Variants in ZC3H12B observed in about 807,000 individuals in gnomAD.
ZC3H12B encodes zinc finger CCCH-type containing 12B.
ZC3H12B carries 7 observed loss-of-function variants against 43.9 expected under a neutral mutation model. The observed-to-expected ratio is 0.16, with a 90% CI of 0.09 to 0.30. The LOEUF is 0.30. Ranked by LOEUF, ZC3H12B falls within the 10% of genes least tolerant of loss-of-function variation. The probability of loss-of-function intolerance (pLI) is 1.00; values close to 1 mark genes in which losing one functional copy is unlikely to be tolerated. For missense variants in ZC3H12B, 475 were observed against 670.2 expected, an observed-to-expected ratio of 0.71 and a Z score of 3.22; for synonymous variants, 222 against 241.7, an observed-to-expected ratio of 0.92 and a Z score of 0.76.
At chrX:65,332,865 A>G in the ZC3H12B span, among the ~76,000 whole-genome samples, 1 of 112,248 alleles carries the variant, frequency 8.9e-6, no homozygotes, top group Non-Finnish European at 1.9e-5. Flanking sequence ...CATTTGTACT[A>G]AAGATAAATC....
At chrX:65,127,687 A>G in the ZC3H12B span, among the ~76,000 whole-genome samples, 1 of 110,904 alleles carries the variant, frequency 9.0e-6, no homozygotes, top group East Asian at 2.9e-4. Context: ...CTTCTTGGGC[A>G]TGGCTTTCTG....
At chrX:65,318,695 C>T in the ZC3H12B span, among the ~76,000 whole-genome samples, 1 of 111,429 alleles carries the variant, frequency 9.0e-6, no homozygotes, top group Admixed American at 9.5e-5. Context: ...GCTGGGATTA[C>T]AGGCGTGAAC....
the ZC3H12B span, among the ~76,000 whole-genome samples, chrX:65,211,277 G>A: frequency 4.6e-5 from 5 of 108,605 alleles, no homozygotes; most frequent in Non-Finnish European, 9.5e-5. Context: ...TCAGATGATA[G>A]TTTCTTTTGC....
At chrX:65,065,438 ATTC>A in the ZC3H12B span, among the ~76,000 whole-genome samples, 1 of 111,847 alleles carries the variant, frequency 8.9e-6, no homozygotes, top group Non-Finnish European at 1.9e-5. Context: ...TGGGTTGAAA[ATTC>A]TTTTCTTCTA....
chrX:65,160,599 G>T, the ZC3H12B span, among the ~76,000 whole-genome samples: 1 of 111,523 alleles, frequency 9.0e-6, no homozygotes, highest in East Asian at 2.8e-4. Context: ...TGTGGGATTG[G>T]TGGTGATATC....
At chrX:65,044,273 T>C in the ZC3H12B span, among the ~76,000 whole-genome samples, 18 of 111,282 alleles carry the variant, frequency 1.6e-4, no homozygotes, top group Admixed American at 6.7e-4. Context: ...GCAGAAAGAA[T>C]AGAATATGCA....
chrX:65,310,798 T>G, the ZC3H12B span, among the ~76,000 whole-genome samples: 4 of 110,990 alleles, frequency 3.6e-5, no homozygotes, highest in South Asian at 3.8e-4. Flanking sequence ...CCAAAACCAA[T>G]ATATAGACCA....
chrX:65,439,541 A>G (rs184270644), intron 3 of ZC3H12B, among the ~76,000 whole-genome samples: 51 of 111,803 alleles, frequency 4.6e-4, no homozygotes, highest in Admixed American at 9.5e-4. Context: ...CCTGTTTCCA[A>G]ATAGGTTTTT....
the ZC3H12B span, among the ~76,000 whole-genome samples, chrX:65,243,902 T>C: frequency 1.8e-5 from 2 of 111,948 alleles, no homozygotes; most frequent in Admixed American, 1.9e-4. Flanking sequence ...TTGTTGCTCA[T>C]ATGTTGGAGC....
At chrX:65,211,956 T>G in the ZC3H12B span, among the ~76,000 whole-genome samples, 7 of 71,608 alleles carry the variant, frequency 9.8e-5, no homozygotes, top group Admixed American at 7.5e-4. Context: ...CTATATAATA[T>G]ATAATATATG....
chrX:65,444,346 G>T (rs1484910698), intron 3 of ZC3H12B, among the ~76,000 whole-genome samples: 1 of 111,984 alleles, frequency 8.9e-6, no homozygotes, highest in African/African-American at 3.3e-5. Context: ...AAATGAACCT[G>T]GTGGGAGGTT....
At chrX:65,349,562 C>A in the ZC3H12B span, among the ~76,000 whole-genome samples, 1 of 111,351 alleles carries the variant, frequency 9.0e-6, no homozygotes, top group African/African-American at 3.3e-5. Flanking sequence ...TTCAAAAAAT[C>A]AATGAATCCA....
the ZC3H12B span, among the ~76,000 whole-genome samples, chrX:65,108,188 A>G: frequency 1.8e-5 from 2 of 111,559 alleles, no homozygotes; most frequent in African/African-American, 6.5e-5. Flanking sequence ...TGTAGACTTT[A>G]TAAACACTGT....
At chrX:65,212,271 TATATAATATA>T in the ZC3H12B span, among the ~76,000 whole-genome samples, 1 of 51,193 alleles carries the variant, frequency 2.0e-5, no homozygotes, top group African/African-American at 8.1e-5. Flanking sequence ...TATTATATAA[TATATAATATA>T]ATTATAATAT....
chrX:65,349,243 G>C, the ZC3H12B span, among the ~76,000 whole-genome samples: 5 of 111,971 alleles, frequency 4.5e-5, no homozygotes, highest in Admixed American at 2.9e-4. Context: ...CATGGAAACT[G>C]AACAACCTGC....
intron 2 of ZC3H12B, among the ~76,000 whole-genome samples, chrX:65,373,635 G>A (rs1302638000): frequency 5.8e-5 from 6 of 102,763 alleles, no homozygotes; most frequent in Non-Finnish European, 9.8e-5. Flanking sequence ...GCAAACTATC[G>A]CAAGGACAGA....
chrX:65,224,400 T>C, the ZC3H12B span, among the ~76,000 whole-genome samples: 2 of 112,362 alleles, frequency 1.8e-5, no homozygotes, highest in African/African-American at 3.2e-5. Flanking sequence ...GGAGCCAAGA[T>C]GGCCGAATAG....
At chrX:65,257,393 A>G in the ZC3H12B span, among the ~76,000 whole-genome samples, 1 of 111,028 alleles carries the variant, frequency 9.0e-6, no homozygotes, top group Non-Finnish European at 1.9e-5. Flanking sequence ...CATAGGTGGG[A>G]ATTGAACAGT....
At chrX:65,151,832 A>G in the ZC3H12B span, among the ~76,000 whole-genome samples, 7 of 112,012 alleles carry the variant, frequency 6.2e-5, no homozygotes, top group African/African-American at 2.3e-4. Flanking sequence ...AAAATCCTCA[A>G]TAAAATACTG....
Sources: gnomAD v4.1 joint callset for allele counts (sites outside exome capture counted in the v4.1 genomes callset) on GRCh38, gnomAD v4.1.1 for gene constraint, MANE v1.5 for transcripts, NCBI Gene and HGNC (gene_info 2026-07-23, HGNC 2026-07-21) for gene names.